The following ADAMTS12 variants were observed in gnomAD, a reference collection of about 807,000 sequenced individuals.
ADAMTS12 encodes the protein A disintegrin and metalloproteinase with thrombospondin motifs 12.
Under a neutral mutation model 167.8 loss-of-function variants are expected in ADAMTS12, and 118 were observed. That is an observed-to-expected ratio of 0.70 (90% confidence interval 0.61 to 0.82). ADAMTS12 has a LOEUF of 0.82. Ranked by LOEUF, ADAMTS12 falls within the 40% of genes least tolerant of loss-of-function variation. ADAMTS12 has a pLI of 0.00. For missense variants in ADAMTS12, 1,916 were observed against 1,998.8 expected (o/e 0.96, Z 0.79); for synonymous variants, 704 against 716.9 (o/e 0.98, Z 0.29).
In ADAMTS12 at chr5:33,713,302, T is replaced by C. The variant is rs1579864736; in HGVS notation, c.635-29247A>G. The stretch of plus-strand genomic sequence containing the variant: ...AGCAGGAGTGCTGTTAGCTCACTGC[T>C]GTGGAAATCAAGTTCTAGGGAGCAA... On this transcript the variant is annotated intron_variant, in intron 3 of 23. Transcript: ENST00000504830. 2.0e-5 allele frequency among the ~76,000 whole-genome samples: 3 copies of C among 152,306 alleles called. No homozygotes were observed. The East Asian group carries it at 5.8e-4, about 29-fold the overall frequency.
At chr5:33,570,130 T>A (rs1200309738) in intron 19 of ADAMTS12, among the ~76,000 whole-genome samples, 3 of 152,156 alleles carry the variant, frequency 2.0e-5, no homozygotes, top group Non-Finnish European at 4.4e-5. Flanking sequence ...TTGGTGTACA[T>A]GAAAGTGACG....
chr5:33,775,279 T>C (rs1465399762), intron 2 of ADAMTS12, among the ~76,000 whole-genome samples: 1 of 152,178 alleles, frequency 6.6e-6, no homozygotes, highest in Non-Finnish European at 1.5e-5. Context: ...ATGTCACTTA[T>C]ACTTTGGGCA....
At chr5:33,800,554 T>C (rs769467345) in intron 2 of ADAMTS12, among the ~76,000 whole-genome samples, 1 of 152,236 alleles carries the variant, frequency 6.6e-6, no homozygotes, top group Non-Finnish European at 1.5e-5. Context: ...TTGAAGGTTT[T>C]TCCTAGAAAT....
chr5:33,835,826 G>A (rs1432192215), intron 2 of ADAMTS12, among the ~76,000 whole-genome samples: 1 of 151,788 alleles, frequency 6.6e-6, no homozygotes, highest in Non-Finnish European at 1.5e-5. Context: ...ATATATGCAA[G>A]GTTCTCAGGA....
At chr5:33,843,191 C>G (rs533758121) in intron 2 of ADAMTS12, among the ~76,000 whole-genome samples, 1 of 152,160 alleles carries the variant, frequency 6.6e-6, no homozygotes, top group Non-Finnish European at 1.5e-5. Context: ...AAGGCCATAG[C>G]CTGAGCAGAG....
intron 19 of ADAMTS12, among the ~76,000 whole-genome samples, chr5:33,562,982 C>T (rs1018154505): frequency 3.3e-5 from 5 of 152,090 alleles, no homozygotes; most frequent in Non-Finnish European, 7.4e-5. Flanking sequence ...TCTTGTGTTA[C>T]AACACATATA....
intron 20 of ADAMTS12, 71 bp downstream of exon 20, chr5:33,560,956 A>T: frequency 6.5e-7 from 1 of 1,533,768 alleles, no homozygotes; most frequent in East Asian, 2.3e-5. Context: ...GCAAGTGTTT[A>T]TATAAGATTC....
intron 3 of ADAMTS12, among the ~76,000 whole-genome samples, chr5:33,693,047 T>C (rs1016610963): frequency 6.6e-6 from 1 of 152,208 alleles, no homozygotes. Flanking sequence ...TCCACTGTCA[T>C]CAAAGGGTCA....
chr5:33,831,520 G>A (rs1296775855), intron 2 of ADAMTS12, among the ~76,000 whole-genome samples: 1 of 152,204 alleles, frequency 6.6e-6, no homozygotes, highest in African/African-American at 2.4e-5. Flanking sequence ...TATTTTGCTT[G>A]ACTTACTGCA....
intron 3 of ADAMTS12, among the ~76,000 whole-genome samples, chr5:33,733,998 TACAC>T (rs147754057): frequency 0.14 from 19,776 of 139,168 alleles, 1,531 homozygotes; most frequent in African/African-American, 0.16. Flanking sequence ...ACTTCCCCAC[TACAC>T]ACACACACAC....
chr5:33,881,703 C>T (rs1335074968), intron 1 of ADAMTS12, among the ~76,000 whole-genome samples: 3 of 150,462 alleles, frequency 2.0e-5, no homozygotes, highest in East Asian at 3.9e-4. Flanking sequence ...TCTGGGATTA[C>T]AGGCATGTGC....
At chr5:33,560,149 T>C (rs1460380294) in intron 20 of ADAMTS12, among the ~76,000 whole-genome samples, 2 of 152,234 alleles carry the variant, frequency 1.3e-5, no homozygotes, top group Admixed American at 6.5e-5. Context: ...TTCTGGTTTA[T>C]CTTGTAAGAG....
At chr5:33,806,954 T>C (rs557023607) in intron 2 of ADAMTS12, among the ~76,000 whole-genome samples, 1 of 152,292 alleles carries the variant, frequency 6.6e-6, no homozygotes, top group East Asian at 1.9e-4. Flanking sequence ...CTTGACTGCC[T>C]CTACGATAGG....
intron 3 of ADAMTS12, among the ~76,000 whole-genome samples, chr5:33,728,580 G>T (rs748966621): frequency 5.9e-5 from 9 of 152,150 alleles, no homozygotes; most frequent in African/African-American, 9.7e-5. Flanking sequence ...AAGGCCATTT[G>T]CCCTTTAAGC....
intron 20 of ADAMTS12, among the ~76,000 whole-genome samples, chr5:33,559,777 G>A (rs923128963): frequency 1.3e-5 from 2 of 152,242 alleles, no homozygotes; most frequent in Middle Eastern, 3.4e-3. Context: ...GCTACCCGGA[G>A]GTTAAGGCAC....
intron 5 of ADAMTS12, among the ~76,000 whole-genome samples, chr5:33,669,653 A>AT (rs1273125375): frequency 6.6e-6 from 1 of 152,038 alleles, no homozygotes. Flanking sequence ...AAGGTGTAGT[A>AT]TTAAAAAAAA....
chr5:33,725,607 C>G (rs1487403357), intron 3 of ADAMTS12, among the ~76,000 whole-genome samples: 2 of 152,196 alleles, frequency 1.3e-5, no homozygotes, highest in African/African-American at 4.8e-5. Flanking sequence ...AATGGTCAAA[C>G]AACAGAACCG....
chr5:33,580,218 G>C (rs1746993363), intron 18 of ADAMTS12, among the ~76,000 whole-genome samples: 1 of 152,236 alleles, frequency 6.6e-6, no homozygotes, highest in African/African-American at 2.4e-5. Context: ...ATACCAGACA[G>C]GGAAATTTAT....
chr5:33,719,246 A>T (rs1388053061), intron 3 of ADAMTS12, among the ~76,000 whole-genome samples: 1 of 152,192 alleles, frequency 6.6e-6, no homozygotes. Context: ...GCCACAGAGA[A>T]GAAAAAGATA....
Sources: allele counts gnomAD v4.1 joint callset (sites outside exome capture counted in the v4.1 genomes callset), GRCh38; gene constraint gnomAD v4.1.1; transcripts MANE v1.5; gene names NCBI Gene and HGNC (gene_info 2026-07-23, HGNC 2026-07-21).